Variants in SLC13A3 observed in about 807,000 individuals in gnomAD.
SLC13A3 encodes Na(+)/dicarboxylate cotransporter 3.
SLC13A3 carries 40 observed loss-of-function variants against 59.0 expected under a neutral mutation model. The observed-to-expected ratio is 0.68, with a 90% CI of 0.53 to 0.88. SLC13A3 has a LOEUF of 0.88. Ranked by LOEUF, SLC13A3 falls within the 40% of genes least tolerant of loss-of-function variation. The probability of loss-of-function intolerance (pLI) is 0.00; values close to 1 mark genes in which losing one functional copy is unlikely to be tolerated. For synonymous variants in SLC13A3, 317 were observed against 330.3 expected (o/e 0.96, Z 0.44); for missense variants, 699 against 783.2 (o/e 0.89, Z 1.28).
chr20:46,583,714 CG>C (rs779409196), intron 8 of SLC13A3, 45 bp from the exon 9 acceptor site: 11 of 1,610,404 alleles, frequency 6.8e-6, no homozygotes, highest in Non-Finnish European at 9.3e-6. Flanking sequence ...GGCATCTCAG[CG>C]GGCCGAGGTT....
chr20:46,609,872 A>G (rs554964737), intron 3 of SLC13A3, among the ~76,000 whole-genome samples: 70 of 152,164 alleles, frequency 4.6e-4, no homozygotes, highest in Non-Finnish European at 7.8e-4. Context: ...CTATAGGAGA[A>G]TTCCTTTGGT....
chr20:46,589,080 G>T, intron 7 of SLC13A3, 80 bp downstream of exon 7: 1 of 1,272,580 alleles, frequency 7.9e-7, no homozygotes, highest in Non-Finnish European at 1.1e-6. Flanking sequence ...AGCCCCCATG[G>T]GCCCAAGGCC....
intron 1 of SLC13A3, among the ~76,000 whole-genome samples, chr20:46,667,737 A>G (rs1179065712): frequency 6.6e-6 from 1 of 152,228 alleles, no homozygotes; most frequent in Non-Finnish European, 1.5e-5. Flanking sequence ...TATAATGTGT[A>G]CAGGCATATC....
At chr20:46,635,068 G>A (rs1270313007) in intron 1 of SLC13A3, among the ~76,000 whole-genome samples, 1 of 152,144 alleles carries the variant, frequency 6.6e-6, no homozygotes, top group Non-Finnish European at 1.5e-5. Context: ...TAGTTTTTCT[G>A]TGACCAGGGG....
At chr20:46,566,723 T>C (rs982580421) in intron 10 of SLC13A3, among the ~76,000 whole-genome samples, 8 of 152,018 alleles carry the variant, frequency 5.3e-5, no homozygotes, top group African/African-American at 1.9e-4. Flanking sequence ...CCCTCAGTAG[T>C]AAAACTTCTC....
intron 9 of SLC13A3, chr20:46,583,278 T>C: frequency 1.4e-5 from 10 of 739,064 alleles, no homozygotes; most frequent in Non-Finnish European, 1.7e-5. Flanking sequence ...AATGTTTTTC[T>C]TTTGGTTTTT....
chr20:46,589,192 AATT>A lies in SLC13A3; in HGVS notation c.981_983del (p.Ile328del), dbSNP rs1482451880. ...GCCCCAGGTTCTGGTATTCTTCCCG[AATT>A]ACAGCTCGAGCCCTATCTTCTGCAT... On this transcript the variant is annotated inframe_deletion, in exon 7 of 13. Coordinates refer to ENST00000279027, the MANE Select transcript of SLC13A3 (RefSeq NM_022829.6). 1 of 1,614,076 alleles carries A rather than the reference AATT, an allele frequency of 6.2e-7. No individual in the cohort carries two copies. Among genetic ancestry groups the A allele is most frequent in the Non-Finnish European group, 8.5e-7 (1 of 1,180,054 alleles).
chr20:46,618,427 T>C (rs2062583296), intron 1 of SLC13A3, among the ~76,000 whole-genome samples: 1 of 152,234 alleles, frequency 6.6e-6, no homozygotes, highest in Non-Finnish European at 1.5e-5. Context: ...CCTCAGCACC[T>C]CCTTGCTATG....
chr20:46,656,324 A>G (rs7346228), upstream of SLC13A3, among the ~76,000 whole-genome samples: 4 of 123,638 alleles, frequency 3.2e-5, no homozygotes, highest in East Asian at 2.3e-4. Flanking sequence ...TATACTGTAT[A>G]TGATATACTA....
chr20:46,640,839 C>T (rs902668540), intron 1 of SLC13A3, among the ~76,000 whole-genome samples: 11 of 152,174 alleles, frequency 7.2e-5, no homozygotes, highest in African/African-American at 2.7e-4. Context: ...GAATTCTGCT[C>T]ATCAGTCCAG....
intron 9 of SLC13A3, among the ~76,000 whole-genome samples, chr20:46,576,438 G>A (rs2062077231): frequency 6.6e-6 from 1 of 152,104 alleles, no homozygotes; most frequent in Non-Finnish European, 1.5e-5. Context: ...CTTGACAAGT[G>A]ACTTTGCCTC....
chr20:46,665,347 T>C (rs199991671), intron 1 of SLC13A3, among the ~76,000 whole-genome samples: 2 of 152,110 alleles, frequency 1.3e-5, no homozygotes, highest in East Asian at 3.9e-4. Context: ...ATTTAACACA[T>C]TTTCATCACC....
At chr20:46,625,488 A>G (rs186724981) in intron 1 of SLC13A3, among the ~76,000 whole-genome samples, 117 of 152,368 alleles carry the variant, frequency 7.7e-4, no homozygotes, top group African/African-American at 2.7e-3. Context: ...CTTTTAAAAA[A>G]TAGCTCATTG....
intron 1 of SLC13A3, among the ~76,000 whole-genome samples, chr20:46,623,679 C>A (rs2122783797): frequency 6.6e-6 from 1 of 152,316 alleles, no homozygotes; most frequent in African/African-American, 2.4e-5. Flanking sequence ...AACAGGAATT[C>A]TAATTTTTAA....
At chr20:46,602,605 C>T (rs923102616) in intron 3 of SLC13A3, among the ~76,000 whole-genome samples, 6 of 152,082 alleles carry the variant, frequency 3.9e-5, no homozygotes, top group African/African-American at 1.2e-4. Flanking sequence ...CAATTCTGTA[C>T]CCAAGAGATG....
upstream of SLC13A3, among the ~76,000 whole-genome samples, chr20:46,652,623 T>C (rs1252506179): frequency 2.6e-5 from 4 of 151,064 alleles, no homozygotes; most frequent in African/African-American, 9.8e-5. Context: ...CTCGAACTCC[T>C]GGCCTCATGA....
Position 46,571,195 on chromosome 20 carries a change from C to A in SLC13A3, c.1332+4378G>T, listed in dbSNP as rs6017923. Among the ~76,000 whole-genome samples the A allele has an allele frequency of 5.1e-4, 78 of 152,232 alleles. 1 individual carries two copies. The highest frequency in any genetic ancestry group is 1.7e-3 in the African/African-American group (70 of 41,524). ...CGATTAAATTACTTCCCACCAGGTCCCATGACATGTGGGGATAATGGGAAC... is the reference window on the plus strand; with the variant it reads ...CGATTAAATTACTTCCCACCAGGTCACATGACATGTGGGGATAATGGGAAC... On this transcript the variant is annotated intron_variant, in intron 10 of 12. Transcript: ENST00000279027.
intron 1 of SLC13A3, among the ~76,000 whole-genome samples, chr20:46,660,449 C>T (rs1004033202): frequency 1.4e-4 from 21 of 152,054 alleles, no homozygotes; most frequent in African/African-American, 5.1e-4. Flanking sequence ...AAGAGATTAG[C>T]CACCATTCAT....
chr20:46,588,239 TG>T (rs1478294649), intron 7 of SLC13A3, 76 bp from the exon 8 acceptor site: 5 of 868,020 alleles, frequency 5.8e-6, no homozygotes, highest in African/African-American at 5.0e-5. Flanking sequence ...CTCAGGCAGC[TG>T]CCCACTGGGA....
Sources: allele counts gnomAD v4.1 joint callset (sites outside exome capture counted in the v4.1 genomes callset), GRCh38; gene constraint gnomAD v4.1.1; transcripts MANE v1.5; gene names NCBI Gene and HGNC (gene_info 2026-07-23, HGNC 2026-07-21).